DYNC2H1: variants seen among roughly 807,000 people sequenced by gnomAD.
DYNC2H1 encodes the protein dynein cytoplasmic 2 heavy chain 1, also known as cytoplasmic dynein 2 heavy chain 1.
In DYNC2H1, 410 loss-of-function variants were observed where a neutral mutation model predicts 570.0. The ratio of observed to expected loss-of-function variants is 0.72; its 90% confidence interval spans 0.66 to 0.78. DYNC2H1 has a LOEUF of 0.78. DYNC2H1 is among the 30% of genes least tolerant of loss of function. DYNC2H1 has a pLI of 0.00. For synonymous variants in DYNC2H1, 1,688 were observed against 1,677.6 expected (o/e 1.01, Z -0.15); for missense variants, 4,865 against 5,046.4 (o/e 0.96, Z 1.09).
At chr11:103,379,233 T>G (rs1463058831) in intron 83 of DYNC2H1, among the ~76,000 whole-genome samples, 5 of 152,216 alleles carry the variant, frequency 3.3e-5, no homozygotes, top group Non-Finnish European at 7.3e-5. Context: ...CTGCTTAAAG[T>G]GCCCCAACAC....
chr11:103,255,530 T>C lies in DYNC2H1; in HGVS notation c.10322T>C (p.Leu3441Pro), dbSNP rs771487311. The part of the protein sequence containing the change: ...IQLAKLEESL[L>P]ETLATSQGNI... The stretch of plus-strand genomic sequence containing the variant: ...CTAGCCAAGCTCGAAGAATCTCTTC[T>C]AGAGGTAAAAGTCTAGCTATTTAGG... Residue 3441 changes from leucine to proline, a missense_variant, in exon 67 of 89, where the codon CTA becomes CCA. Coordinates refer to ENST00000375735, the MANE Select transcript of DYNC2H1 (RefSeq NM_001377.3). 132 of 1,549,064 alleles carry C rather than the reference T, an allele frequency of 8.5e-5. No homozygotes were observed. Among genetic ancestry groups the C allele is most frequent in the Non-Finnish European group, 1.1e-4 (123 of 1,146,786 alleles).
intron 84 of DYNC2H1, among the ~76,000 whole-genome samples, chr11:103,424,754 C>A (rs1943609626): frequency 1.3e-5 from 2 of 150,230 alleles, no homozygotes; most frequent in South Asian, 2.1e-4. Context: ...AGCATTTTCT[C>A]ATTTCCATGG....
chr11:103,383,510 A>G (rs2671394), intron 83 of DYNC2H1, among the ~76,000 whole-genome samples: 98,996 of 148,648 alleles, frequency 0.67, 32,887 homozygotes, highest in Middle Eastern at 0.74. Context: ...GTCTCGCTCT[A>G]TTGTCCAGGC....
At chr11:103,337,641 G>A (rs996256671) in intron 82 of DYNC2H1, among the ~76,000 whole-genome samples, 1 of 152,166 alleles carries the variant, frequency 6.6e-6, no homozygotes, top group Non-Finnish European at 1.5e-5. Flanking sequence ...TAGTGATGTT[G>A]AGGATTGTTT....
chr11:103,399,238 G>T (rs185265831), intron 83 of DYNC2H1, among the ~76,000 whole-genome samples: 1 of 150,072 alleles, frequency 6.7e-6, no homozygotes, highest in East Asian at 2.0e-4. Context: ...CATCTCCGGG[G>T]TTCAAGCAAT....
rs1008352813 is a variant in DYNC2H1 at position 103,479,294 on chromosome 11, T to C, written c.*41T>C. 18 of 1,582,176 alleles carry C rather than the reference T, an allele frequency of 1.1e-5. No homozygotes were observed. Among genetic ancestry groups the C allele is most frequent in the South Asian group, 3.5e-5 (3 of 85,662 alleles). The stretch of plus-strand genomic sequence containing the variant: ...AAAGCCATCTTCACAAAAGGGAACA[T>C]TGATTCTTTAAGCTTTAAATCAAAC... On this transcript the variant is annotated 3_prime_UTR_variant, in exon 89 of 89. Coordinates refer to ENST00000375735, the MANE Select transcript of DYNC2H1 (RefSeq NM_001377.3).
chr11:103,200,147 G>T lies in DYNC2H1; in HGVS notation c.8190G>T (p.Leu2730Phe), dbSNP rs770800903. Residue 2730 changes from leucine (L) to phenylalanine (F), a missense_variant, in exon 50 of 89, where the codon TTG (leucine) becomes TTT (phenylalanine). Leu to Phe is a conservative substitution (Grantham distance 22, BLOSUM62 0). This residue lies in a region of DYNC2H1 where 2,401 missense variants were observed against 2,454.6 expected (regional missense o/e 0.98). Coordinates refer to ENST00000375735, the MANE Select transcript of DYNC2H1 (RefSeq NM_001377.3). Reference protein sequence around the residue: ...PTFLEMINSLLSSGEVPGLYT... With the variant: ...PTFLEMINSLFSSGEVPGLYT... ...TTTTGGAGATGATCAATAGCCTTTTGTCTTCAGGCAAGTGAACAGTTTCTT... is the reference window on the plus strand; with the variant it reads ...TTTTGGAGATGATCAATAGCCTTTTTTCTTCAGGCAAGTGAACAGTTTCTT... 6 of 1,561,250 alleles carry T rather than the reference G, an allele frequency of 3.8e-6. No individual in the cohort carries two copies. In the East Asian group the frequency reaches 1.4e-4, roughly 36 times the overall value.
intron 34 of DYNC2H1, 94 bp downstream of exon 34, chr11:103,171,162 A>ACATC: frequency 9.1e-7 from 1 of 1,104,078 alleles, no homozygotes; most frequent in Non-Finnish European, 1.2e-6. Flanking sequence ...ATTTCTCCTG[A>ACATC]CATCCGTGTT....
intron 87 of DYNC2H1, among the ~76,000 whole-genome samples, chr11:103,459,494 G>C (rs370927088): frequency 6.6e-6 from 1 of 151,908 alleles, no homozygotes; most frequent in Non-Finnish European, 1.5e-5. Flanking sequence ...ATAAGCATTC[G>C]ATCAAACCCT....
At chr11:103,288,951 G>A (rs747598964) in intron 75 of DYNC2H1, among the ~76,000 whole-genome samples, 44 of 150,924 alleles carry the variant, frequency 2.9e-4, no homozygotes, top group Non-Finnish European at 5.8e-4. Flanking sequence ...GAGTCTGAAC[G>A]TCTTCAAATG....
chr11:103,267,198 C>G (rs1271610964), intron 70 of DYNC2H1, among the ~76,000 whole-genome samples: 1 of 151,976 alleles, frequency 6.6e-6, no homozygotes, highest in East Asian at 1.9e-4. Flanking sequence ...GGAACAAGTC[C>G]AGGTGTGCAG....
At position 103,311,974 on chromosome 11, in the gene DYNC2H1, C is replaced by G; in HGVS notation, c.11590C>G (p.Leu3864Val). The G allele has an allele frequency of 1.2e-6, 2 of 1,613,720 alleles. No individual in the cohort carries two copies. The highest frequency in any genetic ancestry group is 1.7e-6 in the Non-Finnish European group (2 of 1,179,768). Residue 3864 changes from leucine (L) to valine (V), a missense_variant, in exon 79 of 89, where the codon CTC becomes GTC. Around this residue, in one of 5 missense-constraint regions of DYNC2H1, gnomAD observed 2,401 missense variants for 2,454.6 expected, o/e 0.98. Transcript: ENST00000375735. ...KKDNTHRAHALFSLAWFHAAC... is the reference protein window; with the variant it reads ...KKDNTHRAHAVFSLAWFHAAC... ...AGATAATACACATCGAGCTCATGCT[C>G]TCTTCAGTCTTGCATGGTTTCATGC...
intron 74 of DYNC2H1, 21 bp downstream of exon 74, chr11:103,286,407 A>C: frequency 6.2e-7 from 1 of 1,605,104 alleles, no homozygotes; most frequent in African/African-American, 1.3e-5. Flanking sequence ...GTGTTATCTA[A>C]ATGCAAAAAA....
intron 85 of DYNC2H1, among the ~76,000 whole-genome samples, chr11:103,450,388 C>T (rs557212): frequency 0.36 from 54,125 of 151,944 alleles, 10,222 homozygotes; most frequent in African/African-American, 0.48. Context: ...AAGCAGAATG[C>T]GCATTCAAGT....
At chr11:103,121,086 ATTAC>A (rs1565315620) in intron 9 of DYNC2H1, 50 bp downstream of exon 9, 2 of 1,239,214 alleles carry the variant, frequency 1.6e-6, no homozygotes, top group East Asian at 5.4e-5. Context: ...ATTTTTGTAT[ATTAC>A]TTTTTTCTTC....
intron 1 of DYNC2H1, among the ~76,000 whole-genome samples, chr11:103,111,853 A>G (rs12286693): frequency 0.033 from 5,063 of 152,260 alleles, 288 homozygotes; most frequent in African/African-American, 0.12. Context: ...CAATAAGTTA[A>G]TAAGTCAGCA....
At chr11:103,160,751 G>T (rs994674555) in intron 28 of DYNC2H1, among the ~76,000 whole-genome samples, 181 bp from the exon 29 acceptor site, 1 of 151,916 alleles carries the variant, frequency 6.6e-6, no homozygotes, top group Non-Finnish European at 1.5e-5. Context: ...GATTCAGAAA[G>T]TGATTTTTTT....
chr11:103,175,366 G>C (rs1324197588), intron 36 of DYNC2H1, among the ~76,000 whole-genome samples: 1 of 152,108 alleles, frequency 6.6e-6, no homozygotes, highest in Non-Finnish European at 1.5e-5. Flanking sequence ...GAGTGTTTAT[G>C]TTACTATTTT....
intron 32 of DYNC2H1, among the ~76,000 whole-genome samples, 194 bp downstream of exon 32, chr11:103,169,154 A>G (rs1219143980): frequency 1.3e-5 from 2 of 152,150 alleles, no homozygotes; most frequent in Non-Finnish European, 2.9e-5. Flanking sequence ...TATACAAAAA[A>G]GTTAAAATAT....
Sources: gnomAD v4.1 joint callset for allele counts (sites outside exome capture counted in the v4.1 genomes callset) on GRCh38, gnomAD v4.1.1 for gene constraint, gnomAD v4.1.1 regional missense constraint, MANE v1.5 for transcripts, NCBI Gene and HGNC (gene_info 2026-07-23, HGNC 2026-07-21) for gene names.